Variants in THSD7B observed in about 807,000 individuals in gnomAD.
THSD7B encodes thrombospondin type-1 domain-containing protein 7B.
A neutral mutation model predicts 213.6 loss-of-function variants in THSD7B; 138 were observed. That is an observed-to-expected ratio of 0.65 (90% CI 0.56 to 0.74). The LOEUF is 0.74. Ranked by LOEUF, THSD7B falls within the 30% of genes least tolerant of loss-of-function variation. The pLI is 0.00. For missense variants in THSD7B, 1,931 were observed against 1,991.5 expected, an observed-to-expected ratio of 0.97 and a Z score of 0.58; for synonymous variants, 742 against 687.0, an observed-to-expected ratio of 1.08 and a Z score of -1.25.
chr2:136,777,632 T>C (rs1013167723), intron 1 of THSD7B, among the ~76,000 whole-genome samples: 5 of 152,182 alleles, frequency 3.3e-5, no homozygotes, highest in Non-Finnish European at 7.4e-5. Context: ...TTCTCTCTTT[T>C]AAAGCTGCCA....
At chr2:137,615,226 G>A (rs1278130864) in intron 17 of THSD7B, among the ~76,000 whole-genome samples, 1 of 152,200 alleles carries the variant, frequency 6.6e-6, no homozygotes, top group African/African-American at 2.4e-5. Flanking sequence ...GCAAAGAAAG[G>A]TTAGCACCTG....
intron 14 of THSD7B, among the ~76,000 whole-genome samples, chr2:137,413,419 G>T (rs1686716803): frequency 6.6e-6 from 1 of 152,174 alleles, no homozygotes; most frequent in Non-Finnish European, 1.5e-5. Flanking sequence ...GAGGGGGATA[G>T]AAATAGAACA....
intron 1 of THSD7B, among the ~76,000 whole-genome samples, chr2:136,801,476 G>A (rs1262507789): frequency 6.6e-6 from 1 of 152,010 alleles, no homozygotes; most frequent in African/African-American, 2.4e-5. Flanking sequence ...AAAATGATAG[G>A]GCTAGGCTGC....
intron 2 of THSD7B, among the ~76,000 whole-genome samples, chr2:137,045,618 T>C (rs751054077): frequency 6.6e-6 from 1 of 152,240 alleles, no homozygotes; most frequent in Non-Finnish European, 1.5e-5. Flanking sequence ...AGTAAGCTGG[T>C]ATAATAGAAT....
chr2:137,351,451 C>A (rs753574180), intron 12 of THSD7B, among the ~76,000 whole-genome samples: 2 of 151,900 alleles, frequency 1.3e-5, no homozygotes, highest in African/African-American at 2.4e-5. Flanking sequence ...CTGTTAAAAT[C>A]AGTCTACCCA....
chr2:137,196,306 C>T (rs1680758473), intron 7 of THSD7B, among the ~76,000 whole-genome samples: 1 of 151,594 alleles, frequency 6.6e-6, no homozygotes, highest in Non-Finnish European at 1.5e-5. Flanking sequence ...TTCTTCTAAG[C>T]TCAAAAATAA....
chr2:136,985,112 C>G (rs1174508891), intron 2 of THSD7B, among the ~76,000 whole-genome samples: 2 of 152,078 alleles, frequency 1.3e-5, no homozygotes, highest in African/African-American at 4.8e-5. Context: ...AAAAGGGAGG[C>G]AGAGTATAAA....
intron 15 of THSD7B, among the ~76,000 whole-genome samples, chr2:137,531,679 T>C (rs10496773): frequency 0.17 from 25,377 of 151,966 alleles, 2,263 homozygotes; most frequent in South Asian, 0.28. Context: ...TGCTATGATT[T>C]CTGCATACAA....
chr2:137,449,551 A>G (rs191462453), intron 14 of THSD7B, among the ~76,000 whole-genome samples: 5 of 152,236 alleles, frequency 3.3e-5, no homozygotes, highest in Admixed American at 3.3e-4. Context: ...TCCTCTTCTG[A>G]ACTCCCTCAT....
intron 12 of THSD7B, among the ~76,000 whole-genome samples, chr2:137,354,279 G>A (rs1685080920): frequency 1.1e-5 from 1 of 87,368 alleles, no homozygotes; most frequent in Non-Finnish European, 2.8e-5. Context: ...GATTAATGCA[G>A]TCAGAAAAAA....
chr2:137,618,302 C>T (rs767988073), intron 18 of THSD7B, 90 bp from the exon 19 acceptor site: 2 of 998,306 alleles, frequency 2.0e-6, no homozygotes, highest in East Asian at 2.7e-5. Flanking sequence ...GTGGATTATT[C>T]TCCACCAAAG....
chr2:137,099,897 C>A (rs532684291), intron 4 of THSD7B, among the ~76,000 whole-genome samples: 1 of 152,196 alleles, frequency 6.6e-6, no homozygotes, highest in East Asian at 1.9e-4. Context: ...TTTCATCCTG[C>A]CTTGTTTCTG....
rs903151955 is a variant in THSD7B at position 137,657,209 on chromosome 2, G to A, written c.4375+49G>A. On this transcript the variant is annotated intron_variant, in intron 24 of 27. Coordinates refer to ENST00000409968, the MANE Select transcript of THSD7B (RefSeq NM_001316349.2). ...GGGCACTTCACAAACACCCCTGAGT[G>A]TTGTTATTTGTGAGAAGAATTAGCT... is the stretch of plus-strand genomic sequence containing the variant. 6 of 1,529,368 alleles carry A rather than the reference G, an allele frequency of 3.9e-6. No individual in the cohort carries two copies. In the African/African-American group the frequency reaches 5.5e-5, roughly 14 times the overall value. The allele number at this position is 1,529,368 out of a possible 1,614,324, so 94.7% of individuals were successfully genotyped here.
intron 2 of THSD7B, among the ~76,000 whole-genome samples, chr2:137,050,960 G>A (rs1004212239): frequency 6.6e-6 from 1 of 152,176 alleles, no homozygotes; most frequent in Non-Finnish European, 1.5e-5. Flanking sequence ...AAAGTATTGA[G>A]TGACTTTGTG....
intron 12 of THSD7B, among the ~76,000 whole-genome samples, chr2:137,373,214 G>A (rs1685571414): frequency 6.6e-6 from 1 of 152,172 alleles, no homozygotes; most frequent in South Asian, 2.1e-4. Context: ...TATATACCCA[G>A]TAATGGGACG....
At chr2:136,889,807 G>T (rs187573769) in intron 2 of THSD7B, among the ~76,000 whole-genome samples, 56 of 152,194 alleles carry the variant, frequency 3.7e-4, no homozygotes, top group Admixed American at 7.8e-4. Context: ...CATCATCTGT[G>T]GAACATCCTT....
intron 1 of THSD7B, among the ~76,000 whole-genome samples, chr2:136,796,891 T>C (rs1286027972): frequency 6.6e-6 from 1 of 151,706 alleles, no homozygotes; most frequent in Non-Finnish European, 1.5e-5. Flanking sequence ...ATCTGGGACA[T>C]ATATGAAGAA....
At chr2:137,436,769 G>C (rs1687301040) in intron 14 of THSD7B, among the ~76,000 whole-genome samples, 1 of 152,126 alleles carries the variant, frequency 6.6e-6, no homozygotes, top group African/African-American at 2.4e-5. Context: ...ATACCAAAAT[G>C]TTAATAGTTG....
chr2:137,343,778 C>T (rs1684812574), intron 12 of THSD7B, among the ~76,000 whole-genome samples: 1 of 151,760 alleles, frequency 6.6e-6, no homozygotes. Context: ...TGAGAACATG[C>T]TACAGTGTAC....
Sources: gnomAD v4.1 joint callset for allele counts (sites outside exome capture counted in the v4.1 genomes callset) on GRCh38, gnomAD v4.1.1 for gene constraint, MANE v1.5 for transcripts, NCBI Gene and HGNC (gene_info 2026-07-23, HGNC 2026-07-21) for gene names.